Variants in SCFD1 observed in about 807,000 individuals in gnomAD.
SCFD1 encodes the protein sec1 family domain-containing protein 1.
A neutral mutation model predicts 103.2 loss-of-function variants in SCFD1; 37 were observed. The observed-to-expected ratio is 0.36, with a 90% CI of 0.28 to 0.47. The LOEUF (loss-of-function observed/expected upper bound fraction) is 0.47, where lower values mean the gene tolerates loss of function less well. Among genes scored for constraint, SCFD1 ranks in the 20% least tolerant of loss-of-function variants. The pLI is 1.00. For synonymous variants in SCFD1, 264 were observed against 245.0 expected, an observed-to-expected ratio of 1.08 and a Z score of -0.73; for missense variants, 639 against 761.2, an observed-to-expected ratio of 0.84 and a Z score of 1.89.
At chr14:30,651,134 A>G (rs575184841) in intron 9 of SCFD1, among the ~76,000 whole-genome samples, 3 of 152,274 alleles carry the variant, frequency 2.0e-5, no homozygotes, top group South Asian at 2.1e-4. Context: ...AAAAAACCCT[A>G]TACATTATAG....
chr14:30,673,192 T>C, intron 11 of SCFD1, 65 bp from the exon 12 acceptor site: 1 of 685,624 alleles, frequency 1.5e-6, no homozygotes, highest in Non-Finnish European at 2.5e-6. Flanking sequence ...GTATATATTT[T>C]AGAATTTACA....
At chr14:30,712,560 TA>T (rs1485311090) in intron 19 of SCFD1, among the ~76,000 whole-genome samples, 4 of 152,184 alleles carry the variant, frequency 2.6e-5, no homozygotes, top group Non-Finnish European at 4.4e-5. Flanking sequence ...CCATCAGAAA[TA>T]AAGTTACCAT....
intron 11 of SCFD1, among the ~76,000 whole-genome samples, chr14:30,672,571 CATT>C (rs992578563): frequency 1.4e-4 from 21 of 152,270 alleles, no homozygotes; most frequent in African/African-American, 5.1e-4. Context: ...TTTTAAGAAA[CATT>C]TAATGATCAA....
chr14:30,638,303 C>T (rs1884933014), intron 5 of SCFD1, 56 bp downstream of exon 5: 2 of 1,608,620 alleles, frequency 1.2e-6, no homozygotes. Flanking sequence ...TAACACTGTT[C>T]TGAAACCCGT....
intron 4 of SCFD1, among the ~76,000 whole-genome samples, chr14:30,637,049 A>G (rs1884795558): frequency 6.6e-6 from 1 of 152,082 alleles, no homozygotes; most frequent in Non-Finnish European, 1.5e-5. Context: ...TTCTGTAAAG[A>G]ATGGTATTTA....
intron 22 of SCFD1, among the ~76,000 whole-genome samples, 181 bp downstream of exon 22, chr14:30,722,098 A>C (rs1892689377): frequency 6.6e-6 from 1 of 152,178 alleles, no homozygotes; most frequent in Non-Finnish European, 1.5e-5. Flanking sequence ...CTTAAAAATA[A>C]CGGACAATTC....
At chr14:30,667,704 A>G (rs1888130920) in intron 10 of SCFD1, among the ~76,000 whole-genome samples, 2 of 152,076 alleles carry the variant, frequency 1.3e-5, no homozygotes, top group Non-Finnish European at 2.9e-5. Context: ...CAACTTCAGC[A>G]AAGTCTCAGG....
chr14:30,638,374 CTT>C (rs1884944274), intron 5 of SCFD1, 127 bp downstream of exon 5: 2 of 1,325,172 alleles, frequency 1.5e-6, no homozygotes, highest in East Asian at 2.7e-5. Context: ...AGGCTCAATA[CTT>C]TTATAAAGAG....
At position 30,653,492 on chromosome 14, in the gene SCFD1, C is replaced by G; in HGVS notation, c.759C>G (p.Phe253Leu). The G allele has an allele frequency of 6.2e-7, 1 of 1,606,490 alleles. No homozygotes were observed. Among genetic ancestry groups the G allele is most frequent in the Non-Finnish European group, 8.5e-7 (1 of 1,173,756 alleles). The change falls in exon 10 of 25, where the codon TTC becomes TTG. Residue 253 changes from phenylalanine to leucine, a missense_variant. By Grantham distance (22) the Phe-to-Leu change is conservative (BLOSUM62 0). Transcript: ENST00000458591. ...TTTTTTATATGTATATTTACAGCTT[C>G]CAGAGGCCCTTATTAGTCCTTGTTG... ...GDTLGAGQFS[F>L]QRPLLVLVDR...
At chr14:30,684,020 A>G (rs570135908) in intron 14 of SCFD1, among the ~76,000 whole-genome samples, 10 of 152,212 alleles carry the variant, frequency 6.6e-5, no homozygotes, top group Non-Finnish European at 8.8e-5. Context: ...AGTAGTGTCT[A>G]TAGCTAGAAT....
chr14:30,637,133 A>G (rs1391804932), intron 4 of SCFD1, among the ~76,000 whole-genome samples: 5 of 152,032 alleles, frequency 3.3e-5, no homozygotes, highest in African/African-American at 1.2e-4. Flanking sequence ...CTCAATGGAA[A>G]AAGTTAGGAA....
chr14:30,696,872 A>G (rs968551760), intron 15 of SCFD1, among the ~76,000 whole-genome samples: 2 of 152,206 alleles, frequency 1.3e-5, no homozygotes, highest in African/African-American at 4.8e-5. Context: ...TATACAGGGG[A>G]CTGGCTAAAT....
At chr14:30,627,927 G>A (rs997580971) in intron 1 of SCFD1, among the ~76,000 whole-genome samples, 15 of 150,852 alleles carry the variant, frequency 9.9e-5, no homozygotes, top group African/African-American at 3.7e-4. Flanking sequence ...AACAGCATCA[G>A]TATATTGAGG....
At position 30,702,254 on chromosome 14, in the gene SCFD1, G is replaced by C. The variant is rs1166651557; in HGVS notation, c.1411-42G>C. ...AATGGCAACAAATAACATCTTTCTT[G>C]AAAGTAAAATTTTTTGTCATATAGT... On this transcript the variant is annotated intron_variant, in intron 16 of 24. Transcript: ENST00000458591. The C allele has an allele frequency of 2.3e-6, 3 of 1,298,162 alleles. No individual in the cohort carries two copies. In the South Asian group the frequency reaches 4.0e-5, roughly 17 times the overall value. The allele number at this position is 1,298,162 out of a possible 1,614,324, so 80.4% of individuals were successfully genotyped here.
At chr14:30,697,504 A>G (rs1890778538) in intron 15 of SCFD1, among the ~76,000 whole-genome samples, 1 of 152,212 alleles carries the variant, frequency 6.6e-6, no homozygotes, top group African/African-American at 2.4e-5. Context: ...CTGTAAGAAA[A>G]AGTAACGGTG....
intron 7 of SCFD1, among the ~76,000 whole-genome samples, chr14:30,644,772 C>T (rs2139070801): frequency 6.6e-6 from 1 of 152,176 alleles, no homozygotes; most frequent in East Asian, 1.9e-4. Flanking sequence ...TATTTTTTCC[C>T]ATTCTGTAGG....
chr14:30,633,204 C>G (rs1884357805), intron 3 of SCFD1, among the ~76,000 whole-genome samples: 1 of 152,192 alleles, frequency 6.6e-6, no homozygotes, highest in Admixed American at 6.5e-5. Context: ...TTATTAAACA[C>G]AGACTCACTG....
At chr14:30,709,859 A>G (rs1463573997) in intron 19 of SCFD1, among the ~76,000 whole-genome samples, 1 of 152,232 alleles carries the variant, frequency 6.6e-6, no homozygotes, top group South Asian at 2.1e-4. Flanking sequence ...TGGCTATTAC[A>G]TAACCATATG....
At chr14:30,635,128 T>A (rs149925273) in intron 4 of SCFD1, 4,031 of 369,828 alleles carry the variant, frequency 0.011, 31 homozygotes, top group Middle Eastern at 0.044. Flanking sequence ...TTGCAAATTT[T>A]GTGTCCTGTG....
Sources: gnomAD v4.1 joint callset for allele counts (sites outside exome capture counted in the v4.1 genomes callset) on GRCh38, gnomAD v4.1.1 for gene constraint, MANE v1.5 for transcripts, NCBI Gene and HGNC (gene_info 2026-07-23, HGNC 2026-07-21) for gene names.